The following MTCL2 variants were observed in gnomAD, a reference collection of about 807,000 sequenced individuals.
The protein encoded by MTCL2 is microtubule crosslinking factor 2.
the MTCL2 span, among the ~76,000 whole-genome samples, chr20:36,814,966 G>T: frequency 6.6e-6 from 1 of 152,168 alleles, no homozygotes; most frequent in East Asian, 1.9e-4. Context: ...GAGAGTGAGG[G>T]GGGGAGAATG....
the MTCL2 span, chr20:36,802,833 G>A: frequency 9.7e-4 from 1,519 of 1,573,090 alleles, 2 homozygotes; most frequent in Non-Finnish European, 1.2e-3. Flanking sequence ...GGGTGGAAGC[G>A]GCTTGGCAGG....
the MTCL2 span, among the ~76,000 whole-genome samples, chr20:36,797,745 G>A: frequency 6.6e-6 from 1 of 152,178 alleles, no homozygotes; most frequent in Non-Finnish European, 1.5e-5. Flanking sequence ...TCTGCCTGGT[G>A]GATTTGGAAA....
the MTCL2 span, chr20:36,785,497 TCTC>T: frequency 1.1e-5 from 11 of 985,288 alleles, no homozygotes; most frequent in Non-Finnish European, 1.3e-5. Flanking sequence ...CTCTTGGTGT[TCTC>T]CTGGGCCTGA....
At chr20:36,803,597 A>G in the MTCL2 span, among the ~76,000 whole-genome samples, 1 of 151,968 alleles carries the variant, frequency 6.6e-6, no homozygotes, top group African/African-American at 2.4e-5. Context: ...GAGATCTGGA[A>G]GAGGGTTAGG....
At chr20:36,791,270 T>A in the MTCL2 span, among the ~76,000 whole-genome samples, 1 of 151,670 alleles carries the variant, frequency 6.6e-6, no homozygotes, top group Non-Finnish European at 1.5e-5. Context: ...CCTGACCTTG[T>A]GATCCACCCG....
the MTCL2 span, among the ~76,000 whole-genome samples, chr20:36,825,738 C>G: frequency 6.6e-6 from 1 of 152,200 alleles, no homozygotes; most frequent in Admixed American, 6.5e-5. Context: ...CTCAGGGACC[C>G]TCGTCTCCAT....
At chr20:36,820,427 G>A in the MTCL2 span, among the ~76,000 whole-genome samples, 1 of 152,206 alleles carries the variant, frequency 6.6e-6, no homozygotes, top group Non-Finnish European at 1.5e-5. Context: ...CAGACACTCT[G>A]TTAAGGGAAA....
the MTCL2 span, chr20:36,863,165 G>C: frequency 3.4e-4 from 460 of 1,356,892 alleles, 2 homozygotes; most frequent in African/African-American, 6.4e-3. This position sits in a 1 kb window ranked among gnomAD's most constrained non-coding sequence, Gnocchi z 6.2. Flanking sequence ...CGCTGCAGGC[G>C]ACTGCTGAGC....
the MTCL2 span, among the ~76,000 whole-genome samples, chr20:36,840,244 A>C: frequency 1.3e-5 from 2 of 149,374 alleles, no homozygotes; most frequent in Non-Finnish European, 3.0e-5. Context: ...GGCTCACTGC[A>C]AACTCCCCCT....
the MTCL2 span, chr20:36,812,802 G>A: frequency 4.3e-6 from 7 of 1,613,346 alleles, no homozygotes; most frequent in Admixed American, 3.3e-5. Context: ...AAAGCCTCTC[G>A]GATCCTGGGC....
chr20:36,827,265 C>T, the MTCL2 span, among the ~76,000 whole-genome samples: 2 of 151,526 alleles, frequency 1.3e-5, no homozygotes, highest in African/African-American at 4.8e-5. Flanking sequence ...GTTGGCCAGG[C>T]TGGTCTTGAA....
At chr20:36,845,709 G>A in the MTCL2 span, among the ~76,000 whole-genome samples, 12 of 152,194 alleles carry the variant, frequency 7.9e-5, no homozygotes, top group Non-Finnish European at 1.3e-4. Flanking sequence ...CAGAGGGCAG[G>A]CCTTTGTTCT....
At chr20:36,844,382 C>T in the MTCL2 span, among the ~76,000 whole-genome samples, 3 of 150,996 alleles carry the variant, frequency 2.0e-5, no homozygotes, top group African/African-American at 7.3e-5. Flanking sequence ...ACAGTAAGAC[C>T]TCATCTCTAC....
chr20:36,806,428 GC>G, the MTCL2 span, among the ~76,000 whole-genome samples: 1 of 152,282 alleles, frequency 6.6e-6, no homozygotes, highest in East Asian at 1.9e-4. Context: ...GAGCCACCAT[GC>G]CCAGCATGAT....
chr20:36,863,057 A>G, the MTCL2 span: 3 of 1,410,090 alleles, frequency 2.1e-6, no homozygotes, highest in South Asian at 2.7e-5. This position sits in a 1 kb window ranked among gnomAD's most constrained non-coding sequence, Gnocchi z 6.2. Context: ...GGCCCTTGGC[A>G]CGGACCCCGG....
the MTCL2 span, among the ~76,000 whole-genome samples, chr20:36,791,500 T>C: frequency 2.0e-5 from 3 of 152,206 alleles, no homozygotes; most frequent in Non-Finnish European, 4.4e-5. Context: ...AGTAGAATGT[T>C]TGAGTCTATC....
the MTCL2 span, chr20:36,783,595 G>C: frequency 1.1e-5 from 2 of 177,668 alleles, no homozygotes; most frequent in African/African-American, 4.8e-5. Context: ...AGGAGAAGAA[G>C]GGAATAGCAG....
chr20:36,786,752 CA>C, the MTCL2 span: 3 of 1,043,752 alleles, frequency 2.9e-6, no homozygotes, highest in Non-Finnish European at 4.1e-6. Context: ...AACCAGTTCC[CA>C]GGGGCTGAAG....
the MTCL2 span, among the ~76,000 whole-genome samples, chr20:36,830,673 T>C: frequency 6.6e-6 from 1 of 152,216 alleles, no homozygotes; most frequent in Non-Finnish European, 1.5e-5. Flanking sequence ...TCTCTGCCAG[T>C]GACCAGCATG....
Sources: gnomAD v4.1 joint callset for allele counts (sites outside exome capture counted in the v4.1 genomes callset) on GRCh38, gnomAD v4.1.1 for gene constraint, Gnocchi (gnomAD v3.1) non-coding constraint, MANE v1.5 for transcripts, NCBI Gene and HGNC (gene_info 2026-07-23, HGNC 2026-07-21) for gene names.